The following NRXN3 variants were observed in gnomAD, a reference collection of about 807,000 sequenced individuals.
NRXN3 encodes neurexin 3, also known as neurexin III.
In NRXN3, 32 loss-of-function variants were observed where a neutral mutation model predicts 137.6. The observed-to-expected ratio is 0.23, with a 90% confidence interval of 0.18 to 0.31. NRXN3 has a LOEUF of 0.31. Among genes scored for constraint, NRXN3 ranks in the 10% least tolerant of loss-of-function variants. NRXN3 has a pLI of 1.00. For synonymous variants in NRXN3, 798 were observed against 784.5 expected, an observed-to-expected ratio of 1.02 and a Z score of -0.29; for missense variants, 1,574 against 2,062.5, an observed-to-expected ratio of 0.76 and a Z score of 4.59.
chr14:79,377,910 G>C (rs992109339), intron 15 of NRXN3, among the ~76,000 whole-genome samples: 2 of 152,126 alleles, frequency 1.3e-5, no homozygotes, highest in African/African-American at 2.4e-5. Context: ...GGAACAGCTG[G>C]GATATCAGTT....
At chr14:78,886,855 A>G (rs1009151453) in intron 10 of NRXN3, among the ~76,000 whole-genome samples, 4 of 152,174 alleles carry the variant, frequency 2.6e-5, no homozygotes, top group African/African-American at 7.2e-5. Context: ...GATTCTGCAC[A>G]GGAAAGACCA....
At chr14:79,669,670 G>A (rs1251055214) in intron 17 of NRXN3, among the ~76,000 whole-genome samples, 2 of 152,070 alleles carry the variant, frequency 1.3e-5, no homozygotes, top group Admixed American at 6.6e-5. Flanking sequence ...TAAATTGCCA[G>A]TGCTCGGGCA....
intron 15 of NRXN3, among the ~76,000 whole-genome samples, chr14:79,347,190 ACT>A (rs914620078): frequency 2.0e-5 from 3 of 151,134 alleles, no homozygotes; most frequent in Non-Finnish European, 4.4e-5. Flanking sequence ...AATAACTCAA[ACT>A]CTCTGTAATT....
chr14:78,195,862 A>G (rs1479612173), intron 1 of NRXN3, among the ~76,000 whole-genome samples: 1 of 152,200 alleles, frequency 6.6e-6, no homozygotes, highest in Non-Finnish European at 1.5e-5. Flanking sequence ...ATTGTAACCA[A>G]GTGCTTTTCC....
At chr14:79,092,159 G>A (rs2049324417) in intron 15 of NRXN3, among the ~76,000 whole-genome samples, 1 of 152,068 alleles carries the variant, frequency 6.6e-6, no homozygotes, top group Non-Finnish European at 1.5e-5. Flanking sequence ...TTCCAGTTAT[G>A]GCCACCAGTT....
chr14:78,750,379 C>T (rs570329987), intron 8 of NRXN3, among the ~76,000 whole-genome samples: 17 of 152,034 alleles, frequency 1.1e-4, no homozygotes, highest in South Asian at 1.0e-3. Flanking sequence ...AAGTCGCAAA[C>T]GTAGGAGAGT....
At chr14:78,236,347 ATG>A (rs1429761872) in intron 1 of NRXN3, among the ~76,000 whole-genome samples, 1 of 152,206 alleles carries the variant, frequency 6.6e-6, no homozygotes, top group Non-Finnish European at 1.5e-5. Context: ...CACATACAGT[ATG>A]TGTCTTACTT....
chr14:78,864,710 A>T (rs1392673162), intron 10 of NRXN3, among the ~76,000 whole-genome samples: 1 of 152,170 alleles, frequency 6.6e-6, no homozygotes, highest in Non-Finnish European at 1.5e-5. Flanking sequence ...AGACCCAAAG[A>T]AACAGGGAAT....
chr14:79,628,901 C>T (rs931802049), intron 16 of NRXN3, among the ~76,000 whole-genome samples: 2 of 152,140 alleles, frequency 1.3e-5, no homozygotes, highest in African/African-American at 4.8e-5. Flanking sequence ...ACTGGATGTA[C>T]TAAAGCCAAA....
intron 3 of NRXN3, among the ~76,000 whole-genome samples, chr14:78,292,408 C>T (rs941305959): frequency 6.6e-6 from 1 of 152,112 alleles, no homozygotes; most frequent in Non-Finnish European, 1.5e-5. Context: ...TCCTCTTATT[C>T]CTCTATGTAC....
intron 19 of NRXN3, among the ~76,000 whole-genome samples, chr14:79,765,871 T>C (rs895223234): frequency 5.3e-5 from 8 of 152,364 alleles, no homozygotes; most frequent in African/African-American, 1.7e-4. Flanking sequence ...TCAAAAAGTT[T>C]TGTAAACTTC....
At chr14:79,126,736 T>C (rs956796372) in intron 15 of NRXN3, among the ~76,000 whole-genome samples, 114 of 152,262 alleles carry the variant, frequency 7.5e-4, no homozygotes, top group African/African-American at 2.7e-3. Context: ...TCTGGATCCC[T>C]GAGGAATCGC....
chr14:78,605,768 A>G (rs1331345830), intron 4 of NRXN3, among the ~76,000 whole-genome samples: 1 of 152,232 alleles, frequency 6.6e-6, no homozygotes. Context: ...TAAATGGTGT[A>G]GTAGTAAACC....
chr14:79,494,599 C>G (rs974530316), intron 16 of NRXN3, among the ~76,000 whole-genome samples: 1 of 151,988 alleles, frequency 6.6e-6, no homozygotes, highest in Admixed American at 6.6e-5. Flanking sequence ...TGCAGTTGCC[C>G]TTTTATTGAG....
intron 4 of NRXN3, among the ~76,000 whole-genome samples, chr14:78,431,368 G>A (rs2093872411): frequency 6.6e-6 from 1 of 152,114 alleles, no homozygotes; most frequent in East Asian, 1.9e-4. Context: ...GAGTATCCTC[G>A]AACACCCGTA....
intron 4 of NRXN3, among the ~76,000 whole-genome samples, chr14:78,539,010 G>A (rs112797137): frequency 0.065 from 9,927 of 152,248 alleles, 456 homozygotes; most frequent in Middle Eastern, 0.14. Context: ...GCTGGATTCA[G>A]TTCGAAAGTA....
At chr14:79,291,326 G>A (rs968370016) in intron 15 of NRXN3, among the ~76,000 whole-genome samples, 4 of 151,844 alleles carry the variant, frequency 2.6e-5, no homozygotes, top group African/African-American at 4.8e-5. Context: ...TTCTATAAAC[G>A]TTATAGTTCA....
intron 6 of NRXN3, among the ~76,000 whole-genome samples, chr14:78,685,827 G>A (rs78484874): frequency 1.2e-5 from 1 of 84,816 alleles, no homozygotes; most frequent in Non-Finnish European, 2.5e-5. Flanking sequence ...TTTTTTTTTT[G>A]TATTTAGTAA....
At chr14:78,321,042 G>A (rs1597301075) in intron 4 of NRXN3, among the ~76,000 whole-genome samples, 1 of 151,816 alleles carries the variant, frequency 6.6e-6, no homozygotes, top group Non-Finnish European at 1.5e-5. Context: ...CTTGAACCCA[G>A]CAGGTGGAGG....
Sources: gnomAD v4.1 joint callset for allele counts (sites outside exome capture counted in the v4.1 genomes callset) on GRCh38, gnomAD v4.1.1 for gene constraint, MANE v1.5 for transcripts, NCBI Gene and HGNC (gene_info 2026-07-23, HGNC 2026-07-21) for gene names.